Variants in URB1 observed in about 807,000 individuals in gnomAD.
The protein encoded by URB1 is nucleolar pre-ribosomal-associated protein 1.
Under a neutral mutation model 242.3 loss-of-function variants are expected in URB1, and 197 were observed. The observed-to-expected ratio is 0.81, with a 90% CI of 0.72 to 0.91. URB1 has a LOEUF of 0.91. Ranked by LOEUF, URB1 falls within the 40% of genes least tolerant of loss-of-function variation. The pLI, the probability that URB1 is intolerant of heterozygous loss-of-function variation, is 0.00. For missense variants in URB1, 2,721 were observed against 2,860.5 expected (o/e 0.95, Z 1.11); for synonymous variants, 1,153 against 1,201.8 (o/e 0.96, Z 0.84).
chr21:32,319,256 T>C lies in URB1; in HGVS notation c.5753A>G (p.Glu1918Gly), dbSNP rs1434504270. Residue 1918 changes from glutamate to glycine, a missense_variant, in exon 36 of 39, where the codon GAG becomes GGG. Transcript: ENST00000382751. ...GAGCACGATGAGAACATAAAGGAAC[T>C]CATTGACCAGGTGCAGGGCAAGCCG... ...AKRLALHLVN[E>G]FLYVLIVLMK... 1 of 1,551,086 alleles carries C rather than the reference T, an allele frequency of 6.4e-7. No homozygotes were observed. The highest frequency in any genetic ancestry group is 2.4e-5 in the East Asian group (1 of 40,888).
chr21:32,370,170 TCA>T (rs2033391582), intron 8 of URB1, among the ~76,000 whole-genome samples: 1 of 152,054 alleles, frequency 6.6e-6, no homozygotes, highest in African/African-American at 2.4e-5. Flanking sequence ...CAGAAAATCC[TCA>T]GACTCTGTCT....
At chr21:32,376,407 C>T (rs1315712697) in intron 5 of URB1, among the ~76,000 whole-genome samples, 2 of 152,032 alleles carry the variant, frequency 1.3e-5, no homozygotes, top group African/African-American at 2.4e-5. Flanking sequence ...TCTACAAAAG[C>T]AAATTCATTA....
chr21:32,334,398 T>C (rs2032932820), intron 28 of URB1, 64 bp from the exon 29 acceptor site: 1 of 1,478,568 alleles, frequency 6.8e-7, no homozygotes, highest in Non-Finnish European at 9.0e-7. Flanking sequence ...TTAATCATGA[T>C]AACAACAACA....
rs924351569 is a variant in URB1, at chr21:32,325,294, C to T, written c.5056G>A (p.Ala1686Thr). Residue 1686 changes from alanine (A) to threonine (T), a missense_variant, in exon 31 of 39, where the codon GCC (alanine) becomes ACC (threonine). Transcript: ENST00000382751. ...TAGTAGGCCGCCAGGACATGGTAGG[C>T]TATGGCTCGCATCTGGGGGTCATAG... is the stretch of plus-strand genomic sequence containing the variant. The part of the protein sequence containing the change: ...SSYDPQMRAI[A>T]YHVLAAYYSH... 6.4e-7 allele frequency: 1 copy of T among 1,551,648 alleles called. No homozygotes were observed. Among genetic ancestry groups the T allele is most frequent in the Non-Finnish European group, 8.7e-7 (1 of 1,147,016 alleles).
Position 32,347,451 on chromosome 21 carries a change from G to C in URB1, c.3373C>G (p.Leu1125Val), listed in dbSNP as rs1467017892. Residue 1125 changes from leucine (L) to valine (V), a missense_variant, in exon 22 of 39, where the codon CTG (leucine) becomes GTG (valine). Physicochemically the swap from Leu to Val is conservative, Grantham distance 32. Coordinates refer to ENST00000382751, the MANE Select transcript of URB1 (RefSeq NM_014825.3). The stretch of plus-strand genomic sequence containing the variant: ...GTCTCAGGCAGGCTCAGCAAGGCCA[G>C]GGTGACCTCACGGAGCTGGGCACCC... The part of the protein sequence containing the change: ...MEGAQLREVT[L>V]ALLSLPETHL... The C allele has an allele frequency of 3.2e-5, 49 of 1,550,980 alleles. No homozygotes were observed. Among genetic ancestry groups the C allele is most frequent in the Non-Finnish European group, 3.8e-5 (44 of 1,146,656 alleles).
chr21:32,311,916 A>C lies in URB1; in HGVS notation c.*3002T>G. Reference sequence around the variant, plus strand: ...CCACCCCACTCTCCTCTGGGAACTGACCCTCAATGGGGGTCCCCTCGTCAG... The same window carrying C: ...CCACCCCACTCTCCTCTGGGAACTGCCCCTCAATGGGGGTCCCCTCGTCAG... On this transcript the variant is annotated 3_prime_UTR_variant, in exon 39 of 39. Coordinates refer to ENST00000382751, the MANE Select transcript of URB1 (RefSeq NM_014825.3). 6.2e-7 allele frequency: 1 copy of C among 1,613,718 alleles called. No individual in the cohort carries two copies.
rs760383139 is a variant in URB1 at position 32,385,590 on chromosome 21, G to A, written c.237C>T (p.Val79=). ...CTCCACTTAGGAGCTGGAAAATTTCGACACACTCAACAGAAATCTTTATAT... is the reference window on the plus strand; with the variant it reads ...CTCCACTTAGGAGCTGGAAAATTTCAACACACTCAACAGAAATCTTTATAT... ...EGYIKISVEC[V]EIFQLLSGEK... The change falls in exon 2 of 39, where the codon GTC becomes GTT. Residue 79 remains valine (V), a synonymous_variant. Transcript: ENST00000382751. 4.5e-6 allele frequency: 7 copies of A among 1,551,564 alleles called. No individual in the cohort carries two copies. The highest frequency in any genetic ancestry group is 1.2e-5 in the South Asian group (1 of 84,014).
chr21:32,317,453 G>C (rs189593968), intron 37 of URB1, among the ~76,000 whole-genome samples: 61 of 152,278 alleles, frequency 4.0e-4, no homozygotes, highest in African/African-American at 1.3e-3. Context: ...ATGATACTAA[G>C]GTAGGTGAAG....
chr21:32,358,285 G>A (rs2033247046), intron 14 of URB1, among the ~76,000 whole-genome samples: 1 of 152,178 alleles, frequency 6.6e-6, no homozygotes, highest in South Asian at 2.1e-4. Flanking sequence ...CTGAGGCACT[G>A]GGAAGGCACC....
intron 26 of URB1, among the ~76,000 whole-genome samples, chr21:32,338,234 C>CAATT (rs1003110781): frequency 6.6e-6 from 1 of 152,192 alleles, no homozygotes; most frequent in Non-Finnish European, 1.5e-5. Flanking sequence ...TGAATCCTTA[C>CAATT]TGAATTAGGG....
chr21:32,326,898 C>A (rs916551297), intron 30 of URB1, among the ~76,000 whole-genome samples: 9 of 152,084 alleles, frequency 5.9e-5, no homozygotes, highest in African/African-American at 2.2e-4. Context: ...TGATTAGACA[C>A]TAGACCAAAA....
chr21:32,392,668 A>G (rs2033652829), intron 1 of URB1, 101 bp downstream of exon 1: 15 of 1,325,880 alleles, frequency 1.1e-5, no homozygotes, highest in African/African-American at 3.1e-5. Flanking sequence ...CACTGAGCCT[A>G]TGTGACCCGA....
At position 32,357,327 on chromosome 21, in the gene URB1, A is replaced by C. The variant is rs901156214; in HGVS notation, c.1989+210T>G. Among the ~76,000 whole-genome samples, 39 of 152,280 alleles carry C rather than the reference A, an allele frequency of 2.6e-4. 1 individual carries two copies. The highest frequency in any genetic ancestry group is 7.8e-4 in the Admixed American group (12 of 15,300). On this transcript the variant is annotated intron_variant, in intron 15 of 38. Coordinates refer to ENST00000382751, the MANE Select transcript of URB1 (RefSeq NM_014825.3). Reference sequence around the variant, plus strand: ...AAATGACCTACCTAAAAAAAAAAAAAAAAAACATTTTTCCAATGCACCAGG... The same window carrying C: ...AAATGACCTACCTAAAAAAAAAAAACAAAAACATTTTTCCAATGCACCAGG...
chr21:32,344,243 G>A (rs1017337726), intron 24 of URB1, among the ~76,000 whole-genome samples: 2 of 152,144 alleles, frequency 1.3e-5, no homozygotes, highest in South Asian at 2.1e-4. Context: ...AGGAATGCAA[G>A]GTTGGTTTAA....
chr21:32,347,287 C>T lies in URB1; in HGVS notation c.3537G>A (p.Glu1179=). The T allele has an allele frequency of 1.3e-6, 2 of 1,551,040 alleles. No homozygotes were observed. The highest frequency in any genetic ancestry group is 1.7e-6 in the Non-Finnish European group (2 of 1,146,944). The change falls in exon 22 of 39, where the codon GAG becomes GAA. Residue 1179 remains glutamate (E), a synonymous_variant. Coordinates refer to ENST00000382751, the MANE Select transcript of URB1 (RefSeq NM_014825.3). ...GCAGAGCCCCCAGGCCTCTCACATA[C>T]TCGGAGGACCACAGGAGCTCACCAC... ...LQSGELLWSS[E]YVRGLGALLP...
In URB1 at chr21:32,311,595, G is replaced by A. The variant is rs1242400069; in HGVS notation, c.*3323C>T. On this transcript the variant is annotated 3_prime_UTR_variant, in exon 39 of 39. Transcript: ENST00000382751. ...CTTCCCTATGGGGTCCGGGCAGATG[G>A]CAGGTGTGGCAGGAAACCCCCCAGC... 3.3e-6 allele frequency: 5 copies of A among 1,534,624 alleles called. No individual in the cohort carries two copies. The Admixed American group carries it at 7.9e-5, about 24-fold the overall frequency.
chr21:32,361,859 G>A (rs1301374442), intron 12 of URB1, 33 bp downstream of exon 12: 1 of 1,547,152 alleles, frequency 6.5e-7, no homozygotes, highest in Admixed American at 2.0e-5. Flanking sequence ...CCATGCAAAA[G>A]GCAGAGGGTC....
intron 24 of URB1, among the ~76,000 whole-genome samples, chr21:32,342,317 C>T (rs2033039433): frequency 6.6e-6 from 1 of 152,206 alleles, no homozygotes; most frequent in African/African-American, 2.4e-5. Context: ...TCAATGCTGG[C>T]TCCAGAGAGA....
At chr21:32,368,356 C>T (rs769201417) in intron 9 of URB1, 47 bp downstream of exon 9, 24 of 1,478,748 alleles carry the variant, frequency 1.6e-5, no homozygotes, top group Non-Finnish European at 1.8e-6. Flanking sequence ...GCATGAGCCA[C>T]CACGCCCAGC....
Sources: allele counts gnomAD v4.1 joint callset (sites outside exome capture counted in the v4.1 genomes callset), GRCh38; gene constraint gnomAD v4.1.1; transcripts MANE v1.5; gene names NCBI Gene and HGNC (gene_info 2026-07-23, HGNC 2026-07-21).